The following ZNF536 variants were observed in gnomAD, a reference collection of about 807,000 sequenced individuals.
The protein encoded by ZNF536 is zinc finger protein 536.
ZNF536 carries 13 observed loss-of-function variants against 84.5 expected under a neutral mutation model. That is an observed-to-expected ratio of 0.15 (90% confidence interval 0.10 to 0.24). The LOEUF is 0.24. Ranked by LOEUF, ZNF536 falls within the 10% of genes least tolerant of loss-of-function variation. ZNF536 has a pLI of 1.00. For missense variants in ZNF536, 1,536 were observed against 1,747.5 expected, an observed-to-expected ratio of 0.88 and a Z score of 2.16; for synonymous variants, 811 against 742.5, an observed-to-expected ratio of 1.09 and a Z score of -1.50.
chr19:30,650,911 T>A (rs1036862174), intron 1 of ZNF536, among the ~76,000 whole-genome samples: 9 of 152,214 alleles, frequency 5.9e-5, no homozygotes, highest in Admixed American at 3.3e-4. Flanking sequence ...AATGGAAGCA[T>A]ATAAATAGCA....
chr19:30,395,977 C>T (rs2049799171), intron 1 of ZNF536, among the ~76,000 whole-genome samples: 1 of 152,172 alleles, frequency 6.6e-6, no homozygotes, highest in Admixed American at 6.5e-5. Flanking sequence ...TACATTGACA[C>T]GTCAATATCA....
intron 2 of ZNF536, among the ~76,000 whole-genome samples, chr19:30,519,684 G>C (rs1306286904): frequency 6.6e-6 from 1 of 152,204 alleles, no homozygotes; most frequent in Admixed American, 6.5e-5. Flanking sequence ...GTACTTAAAA[G>C]GAAAAGGCAG....
At position 30,547,965 on chromosome 19, in the gene ZNF536, G is replaced by T. The variant is rs769979658; in HGVS notation, c.2346G>T (p.Pro782=). ...CAGGTGAGAAACCCTACAAGTGTCC[G>T]CACTGTGACTATGCCGGCACGCAGT... ...IHTGEKPYKC[P]HCDYAGTQSA... The change falls in exon 4 of 5, where the codon CCG becomes CCT. Residue 782 remains proline, a synonymous_variant. Coordinates refer to ENST00000355537, the MANE Select transcript of ZNF536 (RefSeq NM_014717.3). 1.0e-5 allele frequency: 16 copies of T among 1,571,348 alleles called. No homozygotes were observed. Among genetic ancestry groups the T allele is most frequent in the Admixed American group, 1.9e-5 (1 of 53,486 alleles).
At chr19:30,580,500 CTCTG>C (rs1392548350) in intron 1 of ZNF536, among the ~76,000 whole-genome samples, 2 of 152,094 alleles carry the variant, frequency 1.3e-5, no homozygotes, top group Admixed American at 6.6e-5. Flanking sequence ...AAAGCAGGGG[CTCTG>C]TCTGTGGAGT....
At chr19:30,565,111 T>G (rs2046304932) in intron 1 of ZNF536, among the ~76,000 whole-genome samples, 2 of 152,030 alleles carry the variant, frequency 1.3e-5, no homozygotes, top group South Asian at 4.2e-4. Context: ...CTGCTCCTCT[T>G]TTTGCCAAAA....
At chr19:30,657,199 TG>T (rs2049944954) in intron 1 of ZNF536, among the ~76,000 whole-genome samples, 1 of 152,106 alleles carries the variant, frequency 6.6e-6, no homozygotes, top group African/African-American at 2.4e-5. Context: ...TCTAACAGAC[TG>T]GGGGAGAGCT....
chr19:30,596,183 A>C (rs532386862), intron 1 of ZNF536, among the ~76,000 whole-genome samples: 30 of 152,342 alleles, frequency 2.0e-4, no homozygotes, highest in African/African-American at 6.7e-4. Context: ...CTAAAAAGCA[A>C]AATATATTCC....
chr19:30,710,631 C>A lies in ZNF536; in HGVS notation c.170-126C>A, dbSNP rs930929779. ...GTATCGGCTGCTTTTCTCACTCTCA[C>A]TATTTGATTTTTGCAAAGTAATAAT... On this transcript the variant is annotated intron_variant, in intron 1 of 1. Coordinates refer to the ZNF536 transcript ENST00000592773. 9 of 152,178 alleles carry A rather than the reference C, an allele frequency of 5.9e-5. No homozygotes were observed. The East Asian group carries it at 1.7e-3, about 29-fold the overall frequency. The allele number at this position is 152,178 out of a possible 1,614,324, so 9.4% of individuals were successfully genotyped here. A position where few individuals can be genotyped will look rare whatever the true frequency, so the allele number is the denominator to read the frequency against.
At chr19:30,479,438 G>A (rs2053980979) in intron 2 of ZNF536, among the ~76,000 whole-genome samples, 1 of 152,246 alleles carries the variant, frequency 6.6e-6, no homozygotes, top group Admixed American at 6.5e-5. Flanking sequence ...TTGGGAAACT[G>A]CTTCCAGCAA....
chr19:30,378,919 C>T (rs528627554), intron 1 of ZNF536, among the ~76,000 whole-genome samples: 1 of 152,306 alleles, frequency 6.6e-6, no homozygotes, highest in Admixed American at 6.5e-5. Flanking sequence ...AGGTGTGGGC[C>T]TGTGTCTTGT....
intron 1 of ZNF536, among the ~76,000 whole-genome samples, chr19:30,283,397 C>T (rs972775129): frequency 8.5e-5 from 13 of 152,196 alleles, no homozygotes; most frequent in Non-Finnish European, 1.9e-4. Context: ...CCTTTATCAC[C>T]TCTGAGCATG....
At chr19:30,704,920 A>G (rs1263589340) in intron 1 of ZNF536, among the ~76,000 whole-genome samples, 1 of 141,164 alleles carries the variant, frequency 7.1e-6, no homozygotes, top group Non-Finnish European at 1.5e-5. Context: ...AGCAGAGCTC[A>G]GCACTTTTTT....
rs781063881 is a variant in ZNF536 at position 30,444,271 on chromosome 19, G to A, written c.709G>A (p.Ala237Thr). Residue 237 changes from alanine (A) to threonine (T), a missense_variant, in exon 2 of 5, where the codon GCC becomes ACC. Physicochemically the swap from Ala to Thr is moderately conservative, Grantham distance 58 (BLOSUM62 0). Transcript: ENST00000355537. ...GCACGCCCAGCAGGCCCCGCTGGCC[G>A]CCTGCACCCTGGCCCTGCAGGCTAA... ...PPHAQQAPLA[A>T]CTLALQANHS... 1.3e-6 allele frequency: 2 copies of A among 1,559,262 alleles called. No individual in the cohort carries two copies. Among genetic ancestry groups the A allele is most frequent in the African/African-American group, 1.4e-5 (1 of 73,852 alleles).
chr19:30,286,904 C>T (rs2045650407), intron 2 of ZNF536, among the ~76,000 whole-genome samples: 2 of 152,136 alleles, frequency 1.3e-5, no homozygotes, highest in Non-Finnish European at 2.9e-5. Context: ...CCATATGAGA[C>T]ACTCTTGCTT....
intron 2 of ZNF536, among the ~76,000 whole-genome samples, chr19:30,461,453 G>A (rs12985528): frequency 0.12 from 18,442 of 152,150 alleles, 1,380 homozygotes; most frequent in South Asian, 0.18. Context: ...TTCAGAGAAA[G>A]GAGCAGGGAA....
At chr19:30,630,778 G>A (rs1305854863) in intron 1 of ZNF536, among the ~76,000 whole-genome samples, 1 of 152,196 alleles carries the variant, frequency 6.6e-6, no homozygotes, top group African/African-American at 2.4e-5. Context: ...AGGGCTTTAG[G>A]TGAGGCCAGG....
chr19:30,541,569 T>G (rs1461182286), intron 3 of ZNF536, among the ~76,000 whole-genome samples: 1 of 152,228 alleles, frequency 6.6e-6, no homozygotes, highest in Admixed American at 6.5e-5. Flanking sequence ...TTGTTGAAAA[T>G]AATTGATTGA....
intron 2 of ZNF536, among the ~76,000 whole-genome samples, chr19:30,351,405 T>C (rs1000670455): frequency 2.0e-5 from 3 of 152,248 alleles, no homozygotes; most frequent in African/African-American, 4.8e-5. Flanking sequence ...AGGGTTCTGA[T>C]GCAATTCACA....
At position 30,236,822 on chromosome 19, in the gene ZNF536, G is replaced by T. The variant is rs531486120; in HGVS notation, c.-190+8149G>T. 5.9e-5 allele frequency among the ~76,000 whole-genome samples: 9 copies of T among 152,278 alleles called. No individual in the cohort carries two copies. The East Asian group carries it at 9.6e-4, about 16-fold the overall frequency. The stretch of plus-strand genomic sequence containing the variant: ...GATATGGCTTGTCCTTTGGAGGGGG[G>T]TGGTAGGGATGTGTATGCCCGGCAT... On this transcript the variant is annotated intron_variant, in intron 1 of 5. Transcript: ENST00000585628.
Sources: gnomAD v4.1 joint callset for allele counts (sites outside exome capture counted in the v4.1 genomes callset) on GRCh38, gnomAD v4.1.1 for gene constraint, MANE v1.5 for transcripts, NCBI Gene and HGNC (gene_info 2026-07-23, HGNC 2026-07-21) for gene names.